The following BRIP1 variants were observed in gnomAD, a reference collection of about 807,000 sequenced individuals.
The protein encoded by BRIP1 is BRCA1 interacting DNA helicase 1, also known as Fanconi anemia group J protein.
In BRIP1, 88 loss-of-function variants were observed where a neutral mutation model predicts 119.7. That is an observed-to-expected ratio of 0.74 (90% CI 0.62 to 0.88). The LOEUF (loss-of-function observed/expected upper bound fraction) is 0.88, where lower values mean the gene tolerates loss of function less well. BRIP1 is among the 40% of genes least tolerant of loss of function. BRIP1 has a pLI of 0.00. For missense variants in BRIP1, 1,259 were observed against 1,455.4 expected, an observed-to-expected ratio of 0.87 and a Z score of 2.20; for synonymous variants, 443 against 496.5, an observed-to-expected ratio of 0.89 and a Z score of 1.43.
chr17:61,697,800 G>A (rs1200588390), intron 17 of BRIP1, among the ~76,000 whole-genome samples: 3 of 151,470 alleles, frequency 2.0e-5, no homozygotes, highest in Non-Finnish European at 2.9e-5. Flanking sequence ...TTAAAATACA[G>A]ATGTTTACAG....
chr17:61,680,496 T>TTTTC lies in BRIP1; in HGVS notation c.*2799_*2800insGAAA, dbSNP rs1214651375. ...AGGTAATTTCTTTTTTTTTTTTTTT[T>TTTTC]TGAGACGGAGTCCCGCTCTGTCGCC... On this transcript the variant is annotated 3_prime_UTR_variant, in exon 20 of 20. Coordinates refer to ENST00000259008, the MANE Select transcript of BRIP1 (RefSeq NM_032043.3). Among the ~76,000 whole-genome samples the TTTTC allele has an allele frequency of 6.7e-6, 1 of 149,050 alleles. No individual in the cohort carries two copies. The highest frequency in any genetic ancestry group is 2.1e-4 in the South Asian group (1 of 4,652).
Position 61,735,587 on chromosome 17 carries a change from G to A in BRIP1, c.2379+7426C>T, listed in dbSNP as rs943542191. Reference sequence around the variant, plus strand: ...GTGGATTACTTGAGCTCAGGAGTTCGAGACCAGCCTGGGCAACATAGCAAG... The same window carrying A: ...GTGGATTACTTGAGCTCAGGAGTTCAAGACCAGCCTGGGCAACATAGCAAG... On this transcript the variant is annotated intron_variant, in intron 16 of 19. Transcript: ENST00000259008. The surrounding 1 kb of genome is among the most constrained non-coding windows in gnomAD (Gnocchi z 4.4). Among the ~76,000 whole-genome samples the A allele has an allele frequency of 2.0e-5, 3 of 149,838 alleles. No individual in the cohort carries two copies. The highest frequency in any genetic ancestry group is 3.0e-5 in the Non-Finnish European group (2 of 67,476).
At chr17:61,765,374 A>AT (rs2077338877) in intron 14 of BRIP1, among the ~76,000 whole-genome samples, 4 of 37,976 alleles carry the variant, frequency 1.1e-4, no homozygotes, top group Non-Finnish European at 1.9e-4. Context: ...GTGTGTGTGT[A>AT]TATATTATAT....
At chr17:61,721,228 G>T (rs1467773932) in intron 16 of BRIP1, among the ~76,000 whole-genome samples, 1 of 148,296 alleles carries the variant, frequency 6.7e-6, no homozygotes, top group Non-Finnish European at 1.5e-5. Context: ...AAATTGGGAG[G>T]TCAAAAAATT....
intron 14 of BRIP1, among the ~76,000 whole-genome samples, chr17:61,747,879 G>C (rs1475629024): frequency 6.6e-6 from 1 of 151,604 alleles, no homozygotes; most frequent in Non-Finnish European, 1.5e-5. Context: ...AGGACTAGAG[G>C]CATGAGCCAC....
chr17:61,727,373 C>T (rs1215669706), intron 16 of BRIP1, among the ~76,000 whole-genome samples: 2 of 152,144 alleles, frequency 1.3e-5, no homozygotes, highest in Admixed American at 6.5e-5. Context: ...TAAATGAGTA[C>T]TGGAAAATGC....
rs1028702575 is a variant in BRIP1, at chr17:61,769,967, T to C, written c.2097+6434A>G. 2.6e-5 allele frequency among the ~76,000 whole-genome samples: 4 copies of C among 152,016 alleles called. No homozygotes were observed. The highest frequency in any genetic ancestry group is 6.6e-5 in the Admixed American group (1 of 15,254). On this transcript the variant is annotated intron_variant, in intron 14 of 19. Transcript: ENST00000259008. This position sits in a 1 kb window ranked among gnomAD's most constrained non-coding sequence, Gnocchi z 4.9. ...TAAAAATCCCACCAGGTTCCCACAG[T>C]AAAGAGCCAAGAAAAACCCTACTGT...
intron 16 of BRIP1, among the ~76,000 whole-genome samples, chr17:61,727,608 T>C (rs188894749): frequency 4.9e-4 from 74 of 151,802 alleles, no homozygotes; most frequent in African/African-American, 1.7e-3. Context: ...CTCTACAAAA[T>C]AAAAATTAGC....
At chr17:61,782,114 G>A (rs1209433804) in intron 11 of BRIP1, among the ~76,000 whole-genome samples, 2 of 151,756 alleles carry the variant, frequency 1.3e-5, no homozygotes, top group African/African-American at 4.8e-5. Context: ...GACCGGGTGC[G>A]ATGGCTCACG....
In BRIP1 at chr17:61,761,523, C is replaced by CA. The variant is rs2077277023; in HGVS notation, c.2097+14877dup. Among the ~76,000 whole-genome samples, 1 of 151,852 alleles carries CA rather than the reference C, an allele frequency of 6.6e-6. No homozygotes were observed. Among genetic ancestry groups the CA allele is most frequent in the South Asian group, 2.1e-4 (1 of 4,826 alleles). ...ATATAGAAACCCCTAAAGACTACAA[C>CA]AAAAAACTGTTAGAACTAATAAATG... On this transcript the variant is annotated intron_variant, in intron 14 of 19. Coordinates refer to ENST00000259008, the MANE Select transcript of BRIP1 (RefSeq NM_032043.3). The surrounding 1 kb of genome is among the most constrained non-coding windows in gnomAD (Gnocchi z 6.4).
chr17:61,766,154 C>T (rs1374381993), intron 14 of BRIP1, among the ~76,000 whole-genome samples: 1 of 152,104 alleles, frequency 6.6e-6, no homozygotes. Flanking sequence ...ACGAGGATAG[C>T]ATTGAACTAG....
intron 10 of BRIP1, among the ~76,000 whole-genome samples, chr17:61,786,666 GAATTAA>G (rs1053985486): frequency 1.3e-4 from 19 of 143,614 alleles, no homozygotes; most frequent in African/African-American, 4.3e-4. Context: ...GAATTGAATT[GAATTAA>G]AATTAACAGC....
At position 61,693,404 on chromosome 17, in the gene BRIP1, T is replaced by C; in HGVS notation, c.2575+26A>G. 1 of 1,584,450 alleles carries C rather than the reference T, an allele frequency of 6.3e-7. No individual in the cohort carries two copies. On this transcript the variant is annotated intron_variant, in intron 18 of 19. Transcript: ENST00000259008. The surrounding 1 kb of genome is among the most constrained non-coding windows in gnomAD (Gnocchi z 4.2). Reference sequence around the variant, plus strand: ...AAATATGAAGATTGTTACTAGTTTTTACTCTAAGCCCAGCTGAGATCTTAC... The same window carrying C: ...AAATATGAAGATTGTTACTAGTTTTCACTCTAAGCCCAGCTGAGATCTTAC...
chr17:61,783,552 T>G (rs1180466210), intron 11 of BRIP1, among the ~76,000 whole-genome samples: 2 of 152,026 alleles, frequency 1.3e-5, no homozygotes, highest in Non-Finnish European at 2.9e-5. Flanking sequence ...TAAAATGGTG[T>G]ATTTTATGTA....
rs1191458690 is a variant in BRIP1 at position 61,804,855 on chromosome 17, C to T, written c.919-3381G>A. ...ACTAATGTCCTTTGCCATTGTATTA[C>T]TGGAAATAAAAGATTTCATTACAGG... On this transcript the variant is annotated intron_variant, in intron 7 of 19. Coordinates refer to ENST00000259008, the MANE Select transcript of BRIP1 (RefSeq NM_032043.3). The surrounding 1 kb of genome is among the most constrained non-coding windows in gnomAD (Gnocchi z 4.5). 6.6e-6 allele frequency among the ~76,000 whole-genome samples: 1 copy of T among 151,692 alleles called. No homozygotes were observed. The highest frequency in any genetic ancestry group is 1.5e-5 in the Non-Finnish European group (1 of 67,972).
At chr17:61,826,432 C>G (rs146932074) in intron 6 of BRIP1, among the ~76,000 whole-genome samples, 1 of 152,012 alleles carries the variant, frequency 6.6e-6, no homozygotes, top group East Asian at 1.9e-4. Context: ...GCACAGCAAA[C>G]GAAACTATCA....
Position 61,780,513 on chromosome 17 carries a change from A to T in BRIP1, c.1795-112T>A. 2 of 978,286 alleles carry T rather than the reference A, an allele frequency of 2.0e-6. No individual in the cohort carries two copies. The highest frequency in any genetic ancestry group is 3.2e-6 in the Non-Finnish European group (2 of 622,438). 60.6% of individuals were successfully genotyped at this position (978,286 alleles called of 1,614,324 possible). On this transcript the variant is annotated intron_variant, in intron 12 of 19. Coordinates refer to ENST00000259008, the MANE Select transcript of BRIP1 (RefSeq NM_032043.3). This position sits in a 1 kb window ranked among gnomAD's most constrained non-coding sequence, Gnocchi z 5.4. ...GAGGCTGAAGCAGGAAGATCGCTTGAGTCTAGGAGTCTGAGACCAGCCTGG... is the reference window on the plus strand; with the variant it reads ...GAGGCTGAAGCAGGAAGATCGCTTGTGTCTAGGAGTCTGAGACCAGCCTGG...
intron 6 of BRIP1, among the ~76,000 whole-genome samples, chr17:61,819,258 G>T (rs937874198): frequency 4.0e-5 from 6 of 151,442 alleles, no homozygotes; most frequent in Non-Finnish European, 8.8e-5. Flanking sequence ...GGAGAAAAGG[G>T]AACCCTCATA....
chr17:61,770,425 ATAAC>A lies in BRIP1; in HGVS notation c.2097+5972_2097+5975del, dbSNP rs2077431605. ...AATTAATTAAAGAGCACTGGTCAAG[ATAAC>A]TACAAGGTAGTTATAAAAGACAGTA... On this transcript the variant is annotated intron_variant, in intron 14 of 19. Transcript: ENST00000259008. The surrounding 1 kb of genome is among the most constrained non-coding windows in gnomAD (Gnocchi z 4.7). Among the ~76,000 whole-genome samples, 1 of 152,210 alleles carries A rather than the reference ATAAC, an allele frequency of 6.6e-6. No homozygotes were observed. The highest frequency in any genetic ancestry group is 2.4e-5 in the African/African-American group (1 of 41,452).
Sources: gnomAD v4.1 joint callset for allele counts (sites outside exome capture counted in the v4.1 genomes callset) on GRCh38, gnomAD v4.1.1 for gene constraint, Gnocchi (gnomAD v3.1) non-coding constraint, MANE v1.5 for transcripts, NCBI Gene and HGNC (gene_info 2026-07-23, HGNC 2026-07-21) for gene names.